NBEA: variants seen among roughly 807,000 people sequenced by gnomAD.
NBEA encodes lysosomal-trafficking regulator 2.
NBEA carries 44 observed loss-of-function variants against 343.4 expected under a neutral mutation model. That is an observed-to-expected ratio of 0.13 (90% CI 0.10 to 0.16). The LOEUF (loss-of-function observed/expected upper bound fraction) is 0.16, where lower values mean the gene tolerates loss of function less well. Ranked by LOEUF, NBEA falls within the 10% of genes least tolerant of loss-of-function variation. NBEA has a pLI of 1.00. For missense variants in NBEA, 2,555 were observed against 3,631.3 expected, an observed-to-expected ratio of 0.70 and a Z score of 7.62; for synonymous variants, 1,175 against 1,238.7, an observed-to-expected ratio of 0.95 and a Z score of 1.08.
At chr13:34,972,770 G>A (rs1263275438) in intron 1 of NBEA, among the ~76,000 whole-genome samples, 8 of 152,070 alleles carry the variant, frequency 5.3e-5, no homozygotes, top group African/African-American at 1.9e-4. Flanking sequence ...AGTAAGTGCT[G>A]GGATTACAGG....
At chr13:35,468,829 C>A (rs375868699) in intron 40 of NBEA, among the ~76,000 whole-genome samples, 2 of 151,978 alleles carry the variant, frequency 1.3e-5, no homozygotes, top group Non-Finnish European at 2.9e-5. Flanking sequence ...CCGTGCACAG[C>A]GGCTCATGCC....
chr13:34,949,016 G>C (rs2059272300), intron 1 of NBEA, among the ~76,000 whole-genome samples: 1 of 152,110 alleles, frequency 6.6e-6, no homozygotes, highest in African/African-American at 2.4e-5. Flanking sequence ...GCTAAAGTTG[G>C]CAAGAGGAAA....
At chr13:35,231,413 G>T (rs545609985) in intron 33 of NBEA, among the ~76,000 whole-genome samples, 20 of 152,096 alleles carry the variant, frequency 1.3e-4, no homozygotes, top group African/African-American at 4.3e-4. Flanking sequence ...TGCCTCATGT[G>T]TAACAAAATG....
chr13:35,194,078 C>T (rs1450595943), intron 30 of NBEA, among the ~76,000 whole-genome samples: 2 of 151,796 alleles, frequency 1.3e-5, no homozygotes, highest in African/African-American at 4.8e-5. Context: ...GATGCTTATC[C>T]TAGAAAAAGT....
chr13:34,958,608 C>T (rs904476663), intron 1 of NBEA, among the ~76,000 whole-genome samples: 2 of 151,534 alleles, frequency 1.3e-5, no homozygotes, highest in Non-Finnish European at 3.0e-5. Flanking sequence ...TAAGTTTAGG[C>T]CCTGGGGAGA....
intron 36 of NBEA, among the ~76,000 whole-genome samples, chr13:35,333,461 A>G (rs1336346015): frequency 1.3e-5 from 2 of 152,146 alleles, no homozygotes; most frequent in Non-Finnish European, 1.5e-5. Flanking sequence ...ATGTTTTGAT[A>G]CAAGTGTGCA....
intron 38 of NBEA, among the ~76,000 whole-genome samples, chr13:35,429,258 G>C (rs957419508): frequency 6.6e-6 from 1 of 152,138 alleles, no homozygotes; most frequent in African/African-American, 2.4e-5. Context: ...ACCCAGCAAG[G>C]GTGTTGGGTG....
chr13:35,277,119 A>T (rs987283267), intron 34 of NBEA, among the ~76,000 whole-genome samples: 2 of 152,182 alleles, frequency 1.3e-5, no homozygotes, highest in African/African-American at 4.8e-5. Flanking sequence ...TATGGACAAG[A>T]TTCAACAAAG....
intron 11 of NBEA, among the ~76,000 whole-genome samples, chr13:35,108,335 C>G (rs558823989): frequency 6.6e-6 from 1 of 151,746 alleles, no homozygotes; most frequent in East Asian, 1.9e-4. Context: ...GAATTATCAG[C>G]TTTTATGAAG....
At chr13:35,568,930 A>G (rs955580343) in intron 45 of NBEA, among the ~76,000 whole-genome samples, 2 of 152,214 alleles carry the variant, frequency 1.3e-5, no homozygotes, top group African/African-American at 2.4e-5. Flanking sequence ...GTGGAGCTTT[A>G]GACAAGAGTA....
At chr13:35,270,753 G>C (rs2034069448) in intron 34 of NBEA, among the ~76,000 whole-genome samples, 1 of 152,192 alleles carries the variant, frequency 6.6e-6, no homozygotes, top group Admixed American at 6.5e-5. Context: ...ATTGACCTGG[G>C]ATGCTGGAGC....
intron 16 of NBEA, among the ~76,000 whole-genome samples, chr13:35,119,305 C>A (rs1161147910): frequency 6.6e-6 from 1 of 152,046 alleles, no homozygotes; most frequent in Non-Finnish European, 1.5e-5. Flanking sequence ...ATGTATAACT[C>A]AGTGAATTTC....
chr13:35,021,060 T>A (rs552169770), intron 1 of NBEA, among the ~76,000 whole-genome samples: 1 of 152,270 alleles, frequency 6.6e-6, no homozygotes, highest in East Asian at 1.9e-4. Context: ...CTTCTTCCGG[T>A]TACTGTTCTT....
At chr13:34,999,907 C>G (rs2061069018) in intron 1 of NBEA, among the ~76,000 whole-genome samples, 1 of 152,170 alleles carries the variant, frequency 6.6e-6, no homozygotes, top group African/African-American at 2.4e-5. Context: ...CTTACATTCA[C>G]TGGTAATCAG....
chr13:35,371,072 G>A (rs1434364478), intron 38 of NBEA, among the ~76,000 whole-genome samples: 1 of 151,980 alleles, frequency 6.6e-6, no homozygotes, highest in Non-Finnish European at 1.5e-5. Flanking sequence ...TTGACAATTG[G>A]ACTTTAATGT....
chr13:34,954,748 A>G (rs901245369), intron 1 of NBEA, among the ~76,000 whole-genome samples: 2 of 152,192 alleles, frequency 1.3e-5, no homozygotes, highest in Non-Finnish European at 2.9e-5. Flanking sequence ...TCTCCAGATT[A>G]CTTATAATAC....
At chr13:35,331,016 T>C (rs1211192767) in intron 36 of NBEA, among the ~76,000 whole-genome samples, 1 of 152,054 alleles carries the variant, frequency 6.6e-6, no homozygotes, top group Non-Finnish European at 1.5e-5. Context: ...ACTACAAATC[T>C]AGATTATGAA....
chr13:35,017,407 G>T (rs1163456325), intron 1 of NBEA, among the ~76,000 whole-genome samples: 2 of 152,108 alleles, frequency 1.3e-5, no homozygotes, highest in Non-Finnish European at 2.9e-5. Context: ...TTCTAAAGTG[G>T]CTGTGTCACT....
intron 1 of NBEA, among the ~76,000 whole-genome samples, chr13:35,008,716 C>T (rs1305793222): frequency 2.0e-5 from 3 of 152,182 alleles, no homozygotes; most frequent in Admixed American, 2.0e-4. Context: ...CCCTGGCAGT[C>T]CAGTAATCTA....
Sources: gnomAD v4.1 joint callset for allele counts (sites outside exome capture counted in the v4.1 genomes callset) on GRCh38, gnomAD v4.1.1 for gene constraint, MANE v1.5 for transcripts, NCBI Gene and HGNC (gene_info 2026-07-23, HGNC 2026-07-21) for gene names.